Variants in PPP1R9A observed in about 807,000 individuals in gnomAD.
The protein encoded by PPP1R9A is protein phosphatase 1 regulatory subunit 9A.
PPP1R9A carries 59 observed loss-of-function variants against 141.9 expected under a neutral mutation model. That is an observed-to-expected ratio of 0.42 (90% CI 0.34 to 0.52). The LOEUF (loss-of-function observed/expected upper bound fraction) is 0.52, where lower values mean the gene tolerates loss of function less well. PPP1R9A is among the 20% of genes least tolerant of loss of function. The pLI, the probability that PPP1R9A is intolerant of heterozygous loss-of-function variation, is 0.10. For missense variants in PPP1R9A, 1,444 were observed against 1,611.9 expected (o/e 0.90, Z 1.78); for synonymous variants, 500 against 569.7 (o/e 0.88, Z 1.74).
chr7:95,204,694 CCACACACACCA>C (rs1306167721), intron 7 of PPP1R9A, among the ~76,000 whole-genome samples: 10 of 119,064 alleles, frequency 8.4e-5, no homozygotes, highest in African/African-American at 3.3e-4. Context: ...CCACACATAC[CCACACACACCA>C]CACACACACA....
chr7:95,022,619 C>T (rs1167779897), intron 2 of PPP1R9A, among the ~76,000 whole-genome samples: 3 of 152,088 alleles, frequency 2.0e-5, no homozygotes, highest in Admixed American at 6.5e-5. Flanking sequence ...ATGGGTTTGT[C>T]ACAAATAGCT....
intron 2 of PPP1R9A, among the ~76,000 whole-genome samples, chr7:94,917,100 A>C (rs1333833758): frequency 5.3e-5 from 8 of 152,112 alleles, no homozygotes; most frequent in African/African-American, 1.7e-4. Flanking sequence ...ATAGGCGTGA[A>C]CCACTGTGCC....
At chr7:94,933,077 T>C (rs1187426634) in intron 2 of PPP1R9A, among the ~76,000 whole-genome samples, 1 of 152,030 alleles carries the variant, frequency 6.6e-6, no homozygotes, top group Non-Finnish European at 1.5e-5. Flanking sequence ...TATGTATATA[T>C]ATGACATATA....
chr7:95,217,498 G>A (rs571681551), intron 7 of PPP1R9A, among the ~76,000 whole-genome samples: 2 of 152,270 alleles, frequency 1.3e-5, no homozygotes, highest in African/African-American at 2.4e-5. Flanking sequence ...ATGAGTTAGG[G>A]AGGATTCCCT....
At chr7:95,272,899 A>G (rs1390710864) in intron 14 of PPP1R9A, among the ~76,000 whole-genome samples, 2 of 152,216 alleles carry the variant, frequency 1.3e-5, no homozygotes, top group Non-Finnish European at 2.9e-5. Context: ...ACCAAAAAAG[A>G]ACTGGGGAGG....
At chr7:95,026,838 A>G (rs1197466342) in intron 2 of PPP1R9A, among the ~76,000 whole-genome samples, 1 of 152,050 alleles carries the variant, frequency 6.6e-6, no homozygotes, top group African/African-American at 2.4e-5. Context: ...TGAGGTGTGG[A>G]AAGCTCTGCC....
chr7:95,110,434 C>T (rs919275112), intron 2 of PPP1R9A, among the ~76,000 whole-genome samples: 2 of 152,028 alleles, frequency 1.3e-5, no homozygotes, highest in African/African-American at 4.8e-5. Flanking sequence ...TTGAAAATGC[C>T]AGTGTCTGTT....
intron 2 of PPP1R9A, among the ~76,000 whole-genome samples, chr7:95,007,902 T>G (rs1312299224): frequency 1.3e-5 from 2 of 152,160 alleles, no homozygotes; most frequent in African/African-American, 4.8e-5. Flanking sequence ...TGAAACCCTG[T>G]CTCTACTAAA....
At chr7:95,112,649 T>C (rs747736047) in intron 3 of PPP1R9A, among the ~76,000 whole-genome samples, 26 of 152,144 alleles carry the variant, frequency 1.7e-4, no homozygotes, top group Non-Finnish European at 5.9e-5. Flanking sequence ...GTCTTGGAAA[T>C]AGCAAAGTCA....
Position 94,980,281 on chromosome 7 carries a change from G to A in PPP1R9A, c.1395+68773G>A, listed in dbSNP as rs149550563. Among the ~76,000 whole-genome samples, 1,012 of 152,156 alleles carry A rather than the reference G, an allele frequency of 6.7e-3. 5 individuals carry two copies. Among genetic ancestry groups the A allele is most frequent in the Non-Finnish European group, 0.011 (726 of 68,006 alleles). On this transcript the variant is annotated intron_variant, in intron 2 of 19. Transcript: ENST00000433360. ...TTCAAAGCCACCCTGGGCCTCATGC[G>A]GCCCGTGGGCCACAGGTTGGACAAG...
At chr7:94,941,086 A>G (rs1795289282) in intron 2 of PPP1R9A, among the ~76,000 whole-genome samples, 1 of 152,140 alleles carries the variant, frequency 6.6e-6, no homozygotes. Context: ...TGTCTGTGAA[A>G]GACTAATATT....
At chr7:95,257,758 C>T (rs1271621461) in intron 12 of PPP1R9A, among the ~76,000 whole-genome samples, 1 of 151,966 alleles carries the variant, frequency 6.6e-6, no homozygotes, top group Admixed American at 6.6e-5. Context: ...TGAGTGAGAA[C>T]ATGCGGTGTT....
At chr7:95,146,341 G>C (rs1827608011) in intron 4 of PPP1R9A, among the ~76,000 whole-genome samples, 1 of 152,192 alleles carries the variant, frequency 6.6e-6, no homozygotes, top group African/African-American at 2.4e-5. Flanking sequence ...ACTTTTTGAT[G>C]GGGTTGTTTG....
chr7:95,145,551 A>T (rs1307608021), intron 4 of PPP1R9A, among the ~76,000 whole-genome samples: 1 of 152,222 alleles, frequency 6.6e-6, no homozygotes, highest in Non-Finnish European at 1.5e-5. Context: ...TTACTTTTGA[A>T]TGTCAGTGGT....
chr7:95,229,569 T>C (rs958964993), intron 8 of PPP1R9A, among the ~76,000 whole-genome samples: 25 of 151,962 alleles, frequency 1.6e-4, no homozygotes, highest in South Asian at 1.2e-3. Flanking sequence ...TATAACTCCA[T>C]TGGACTGGGA....
intron 2 of PPP1R9A, among the ~76,000 whole-genome samples, chr7:94,948,130 A>C (rs1276738643): frequency 6.6e-6 from 1 of 152,022 alleles, no homozygotes; most frequent in East Asian, 1.9e-4. Context: ...CAGGTCTTTC[A>C]TATTCAGTAT....
intron 5 of PPP1R9A, among the ~76,000 whole-genome samples, chr7:95,193,306 G>C (rs1835783135): frequency 6.6e-6 from 1 of 152,086 alleles, no homozygotes; most frequent in Admixed American, 6.5e-5. Context: ...ACTTTTAAAA[G>C]TGAGTATATT....
intron 2 of PPP1R9A, among the ~76,000 whole-genome samples, chr7:95,045,815 C>G (rs1324821659): frequency 6.6e-6 from 1 of 152,090 alleles, no homozygotes; most frequent in Non-Finnish European, 1.5e-5. Flanking sequence ...GCGAGGGGAG[C>G]CCTCTTCTGC....
chr7:95,047,560 G>A (rs567607713), intron 2 of PPP1R9A, among the ~76,000 whole-genome samples: 1 of 152,134 alleles, frequency 6.6e-6, no homozygotes, highest in Non-Finnish European at 1.5e-5. Flanking sequence ...TCCTTGTTGA[G>A]CCCAAAAAGA....
Sources: allele counts gnomAD v4.1 joint callset (sites outside exome capture counted in the v4.1 genomes callset), GRCh38; gene constraint gnomAD v4.1.1; transcripts MANE v1.5; gene names NCBI Gene and HGNC (gene_info 2026-07-23, HGNC 2026-07-21).